Variants in FREM1 observed in about 807,000 individuals in gnomAD.
FREM1 encodes the protein FRAS1 related extracellular matrix 1.
In FREM1, 220 loss-of-function variants were observed where a neutral mutation model predicts 210.1. The ratio of observed to expected loss-of-function variants is 1.05; its 90% CI spans 0.94 to 1.17. The LOEUF (loss-of-function observed/expected upper bound fraction) is 1.17, where lower values mean the gene tolerates loss of function less well. FREM1 is among the 50% of genes most tolerant of loss of function. FREM1 has a pLI of 0.00. For missense variants in FREM1, 3,454 were observed against 2,675.5 expected, an observed-to-expected ratio of 1.29 and a Z score of -6.42; for synonymous variants, 1,189 against 980.2, an observed-to-expected ratio of 1.21 and a Z score of -3.98.
chr9:14,765,300 G>A (rs1476168151), intron 27 of FREM1, among the ~76,000 whole-genome samples: 6 of 152,172 alleles, frequency 3.9e-5, no homozygotes, highest in Non-Finnish European at 8.8e-5. Flanking sequence ...CCAAGAGGCA[G>A]CATAGTGTGC....
intron 1 of FREM1, among the ~76,000 whole-genome samples, chr9:14,873,436 T>G (rs905697502): frequency 2.2e-4 from 33 of 152,274 alleles, no homozygotes; most frequent in Middle Eastern, 3.4e-3. Flanking sequence ...ATTTCTTCGA[T>G]ATTTTCTAGT....
chr9:14,881,808 G>A (rs1469290199), intron 1 of FREM1, among the ~76,000 whole-genome samples: 1 of 152,170 alleles, frequency 6.6e-6, no homozygotes, highest in Non-Finnish European at 1.5e-5. Flanking sequence ...TCAGATTCTG[G>A]CCAATGGAAT....
intron 31 of FREM1, 90 bp from the exon 32 acceptor site, chr9:14,747,818 G>A (rs922508668): frequency 4.3e-6 from 3 of 703,646 alleles, no homozygotes; most frequent in Non-Finnish European, 7.0e-6. Flanking sequence ...TCTTGCTAAT[G>A]TCTGAACAAT....
intron 1 of FREM1, among the ~76,000 whole-genome samples, chr9:14,885,913 A>C (rs941626551): frequency 6.6e-6 from 1 of 152,288 alleles, no homozygotes; most frequent in Admixed American, 6.5e-5. Context: ...GCTGTTAACT[A>C]TAGTAGTCAT....
At position 14,895,505 on chromosome 9, in the gene FREM1, T is replaced by C. The variant is rs147630227; in HGVS notation, c.-268+14409A>G. ...GTAAAAATCTGGATCAATATTCTAA[T>C]TCTGGGCACATATTGGAATCAGCTA... On this transcript the variant is annotated intron_variant, in intron 1 of 36. Transcript: ENST00000380880. Among the ~76,000 whole-genome samples, 1,151 of 152,256 alleles carry C rather than the reference T, an allele frequency of 7.6e-3. 10 individuals are homozygous for C. The highest frequency in any genetic ancestry group is 0.032 in the South Asian group (155 of 4,820).
intron 1 of FREM1, among the ~76,000 whole-genome samples, chr9:14,907,036 A>C (rs1323037108): frequency 6.6e-6 from 1 of 152,186 alleles, no homozygotes; most frequent in South Asian, 2.1e-4. Context: ...CATCACCTCC[A>C]TAAATAGGCA....
chr9:14,889,913 A>G (rs1376011426), intron 1 of FREM1, among the ~76,000 whole-genome samples: 3 of 152,234 alleles, frequency 2.0e-5, no homozygotes, highest in African/African-American at 7.2e-5. Flanking sequence ...AAGCTTGATG[A>G]AGAGTGGAAA....
At position 14,893,728 on chromosome 9, in the gene FREM1, A is replaced by G. The variant is rs555123475; in HGVS notation, c.-268+16186T>C. Among the ~76,000 whole-genome samples the G allele has an allele frequency of 2.0e-5, 3 of 152,352 alleles. No individual in the cohort carries two copies. In the South Asian group the frequency reaches 6.2e-4, roughly 32 times the overall value. The stretch of plus-strand genomic sequence containing the variant: ...AAAGAAAGTAAAATGTGTTTTTGGT[A>G]AAAGACTATAAGAAGTCATGGAAAT... On this transcript the variant is annotated intron_variant, in intron 1 of 36. Coordinates refer to ENST00000380880, the MANE Select transcript of FREM1 (RefSeq NM_001379081.2).
At position 14,776,176 on chromosome 9, in the gene FREM1, G is replaced by C. The variant is rs766345217; in HGVS notation, c.4470C>G (p.Thr1490=). 2.0e-6 allele frequency: 3 copies of C among 1,535,548 alleles called. No homozygotes were observed. The highest frequency in any genetic ancestry group is 4.1e-5 in the Admixed American group (2 of 49,128). ...GTGTGATCTCAAACACCCCGTGCTC[G>C]GTCCGCAGTCCATTGCTGATGATGA... is the stretch of plus-strand genomic sequence containing the variant. The part of the protein sequence containing the change: ...FRFIISNGLR[T]EHGVFEITLE... The change falls in exon 25 of 37, where the codon ACC becomes ACG. Residue 1490 remains threonine, a synonymous_variant. Transcript: ENST00000380880.
rs948663097 is a variant in FREM1 at position 14,819,318 on chromosome 9, A to G, written c.2462T>C (p.Leu821Pro). Residue 821 changes from leucine to proline, a missense_variant, in exon 14 of 37, where the codon CTG (leucine) becomes CCG (proline). By Grantham distance (98) the Leu-to-Pro change is moderately conservative. Transcript: ENST00000380880. The part of the protein sequence containing the change: ...NIDLSLRELP[L>P]HGRVELNGFP... ...TCCATTCAGCTCCACCCTTCCGTGC[A>G]GAGGCAATTCCCGCAGGGAGAGGTC... is the stretch of plus-strand genomic sequence containing the variant. 6.2e-7 allele frequency: 1 copy of G among 1,613,820 alleles called. No individual in the cohort carries two copies. Among genetic ancestry groups the G allele is most frequent in the Non-Finnish European group, 8.5e-7 (1 of 1,179,816 alleles).
intron 36 of FREM1, among the ~76,000 whole-genome samples, chr9:14,739,494 C>CAT (rs1452477065): frequency 3.0e-5 from 4 of 134,530 alleles, no homozygotes; most frequent in South Asian, 2.4e-4. Flanking sequence ...TATATATATT[C>CAT]ATATATATAT....
rs1564128366 is a variant in FREM1 at position 14,869,188 on chromosome 9, T to C, written c.-211A>G. 3 of 510,072 alleles carry C rather than the reference T, an allele frequency of 5.9e-6. No homozygotes were observed. The highest frequency in any genetic ancestry group is 1.0e-5 in the Non-Finnish European group (3 of 287,144). The allele number at this position is 510,072 out of a possible 1,614,324, so 31.6% of individuals were successfully genotyped here. A position where few individuals can be genotyped will look rare whatever the true frequency, so the allele number is the denominator to read the frequency against. On this transcript the variant is annotated 5_prime_UTR_variant, in exon 2 of 37. Coordinates refer to ENST00000380880, the MANE Select transcript of FREM1 (RefSeq NM_001379081.2). ...TCCCAGGGCTTTTAATAAAACTCGC[T>C]GATCACTCCTGACAACGCCGGCAAG... is the stretch of plus-strand genomic sequence containing the variant.
At chr9:14,886,709 A>C (rs989017145) in intron 1 of FREM1, among the ~76,000 whole-genome samples, 4 of 152,016 alleles carry the variant, frequency 2.6e-5, no homozygotes, top group African/African-American at 7.2e-5. Context: ...CAGCCTGGGC[A>C]ATATGGTGAA....
chr9:14,877,429 A>C (rs79749209), intron 1 of FREM1, among the ~76,000 whole-genome samples: 1,243 of 98,236 alleles, frequency 0.013, 61 homozygotes, highest in African/African-American at 0.047. Context: ...ATCTAGACAA[A>C]AAATCTTGTT....
intron 5 of FREM1, among the ~76,000 whole-genome samples, chr9:14,852,073 G>A (rs899501357): frequency 6.6e-6 from 1 of 152,168 alleles, no homozygotes; most frequent in Non-Finnish European, 1.5e-5. Flanking sequence ...TAGGCACTTA[G>A]CAATCTGGCA....
At chr9:14,895,765 G>A (rs1837607060) in intron 1 of FREM1, among the ~76,000 whole-genome samples, 1 of 151,814 alleles carries the variant, frequency 6.6e-6, no homozygotes, top group South Asian at 2.1e-4. Flanking sequence ...TTGACATACT[G>A]ACGCTTTCTG....
chr9:14,818,268 C>T (rs569315883), intron 14 of FREM1, among the ~76,000 whole-genome samples: 2 of 152,224 alleles, frequency 1.3e-5, no homozygotes, highest in Admixed American at 6.5e-5. Flanking sequence ...ATCTAACAGA[C>T]AGCTGAGAGC....
In FREM1 at chr9:14,873,823, G is replaced by C. The variant is rs200919697; in HGVS notation, c.-267-4579C>G. Among the ~76,000 whole-genome samples the C allele has an allele frequency of 5.0e-4, 76 of 152,014 alleles. No individual in the cohort carries two copies. The East Asian group carries it at 8.3e-3, about 17-fold the overall frequency. ...GGCATTTAGTGCTATAAATTTCCCTGTACACACTGTTTTGAATGTGTCCCA... is the reference window on the plus strand; with the variant it reads ...GGCATTTAGTGCTATAAATTTCCCTCTACACACTGTTTTGAATGTGTCCCA... On this transcript the variant is annotated intron_variant, in intron 1 of 36. Transcript: ENST00000380880.
chr9:14,748,783 G>A (rs1046970485), intron 30 of FREM1, 144 bp from the exon 31 acceptor site: 48 of 613,068 alleles, frequency 7.8e-5, no homozygotes, highest in South Asian at 1.2e-4. Flanking sequence ...CCATTTGCCA[G>A]AAACTCCTTT....
Sources: allele counts gnomAD v4.1 joint callset (sites outside exome capture counted in the v4.1 genomes callset), GRCh38; gene constraint gnomAD v4.1.1; transcripts MANE v1.5; gene names NCBI Gene and HGNC (gene_info 2026-07-23, HGNC 2026-07-21).